ARPC3: variants seen among roughly 807,000 people sequenced by gnomAD.
The protein encoded by ARPC3 is actin-related protein 2/3 complex subunit 3.
A neutral mutation model predicts 27.6 loss-of-function variants in ARPC3; 12 were observed. The observed-to-expected ratio is 0.43, with a 90% CI of 0.28 to 0.70. The LOEUF (loss-of-function observed/expected upper bound fraction) is 0.70. Among genes scored for constraint, ARPC3 ranks in the 30% least tolerant of loss-of-function variants. ARPC3 has a pLI of 0.17. For missense variants in ARPC3, 153 were observed against 207.7 expected, an observed-to-expected ratio of 0.74 and a Z score of 1.62; for synonymous variants, 53 against 67.2, an observed-to-expected ratio of 0.79 and a Z score of 1.03.
At chr12:110,436,271 T>C in intron 5 of ARPC3, 67 bp from the exon 6 acceptor site, 1 of 1,298,600 alleles carries the variant, frequency 7.7e-7, no homozygotes, top group African/African-American at 1.5e-5. Context: ...GTTGCAGCTC[T>C]GGATGCTCAC....
At chr12:110,444,255 G>A (rs924601672) in intron 2 of ARPC3, among the ~76,000 whole-genome samples, 1 of 151,696 alleles carries the variant, frequency 6.6e-6, no homozygotes, top group Non-Finnish European at 1.5e-5. Flanking sequence ...ATAGGTGTGA[G>A]CCATCACGCC....
At chr12:110,447,460 T>C (rs964121458) in intron 1 of ARPC3, among the ~76,000 whole-genome samples, 1 of 152,026 alleles carries the variant, frequency 6.6e-6, no homozygotes, top group Non-Finnish European at 1.5e-5. Flanking sequence ...CCTTGAAGAG[T>C]AGAGAAGACA....
intron 1 of ARPC3, among the ~76,000 whole-genome samples, chr12:110,448,034 A>AGGT (rs1228561165): frequency 6.6e-6 from 1 of 151,282 alleles, no homozygotes; most frequent in Non-Finnish European, 1.5e-5. Flanking sequence ...ATGCACTACC[A>AGGT]CATCCAGCTA....
rs78995807 is a variant in ARPC3 at position 110,440,194 on chromosome 12, G to C, written c.183+118C>G. ...AAAGCTAACATTAAGCACTGCTCTC[G>C]AATTTAAAAATTACATGCTGATTTC... On this transcript the variant is annotated intron_variant, in intron 3 of 6. Transcript: ENST00000228825. 35 of 758,116 alleles carry C rather than the reference G, an allele frequency of 4.6e-5. No homozygotes were observed. The African/African-American group carries it at 6.2e-4, about 13-fold the overall frequency. 47.0% of individuals were successfully genotyped at this position (758,116 alleles called of 1,614,324 possible).
At chr12:110,438,778 G>A (rs1443075570) in intron 3 of ARPC3, among the ~76,000 whole-genome samples, 1 of 150,744 alleles carries the variant, frequency 6.6e-6, no homozygotes, top group Non-Finnish European at 1.5e-5. Context: ...CAAGTAGCTG[G>A]GATTACAGGC....
At chr12:110,442,032 CAAAA>C (rs774588008) in intron 2 of ARPC3, among the ~76,000 whole-genome samples, 1 of 109,090 alleles carries the variant, frequency 9.2e-6, no homozygotes. Flanking sequence ...ACTCTGTCTC[CAAAA>C]AAAAAAAAAA....
At chr12:110,447,560 G>A (rs113093161) in intron 1 of ARPC3, among the ~76,000 whole-genome samples, 4 of 152,218 alleles carry the variant, frequency 2.6e-5, no homozygotes, top group African/African-American at 9.6e-5. Flanking sequence ...AGATCACAAG[G>A]CCAGAAGATC....
rs1336102854 is a variant in ARPC3, at chr12:110,436,542, G to A, written c.379+15C>T. The A allele has an allele frequency of 3.1e-6, 5 of 1,613,780 alleles. No individual in the cohort carries two copies. The highest frequency in any genetic ancestry group is 1.1e-5 in the South Asian group (1 of 91,074). On this transcript the variant is annotated intron_variant, in intron 5 of 6. Coordinates refer to ENST00000228825, the MANE Select transcript of ARPC3 (RefSeq NM_001278556.2). ...CTTCTTGTGTCACAGAGTGAGGATA[G>A]AGACCTGTTCTTACCATCTTCCTGT...
In ARPC3 at chr12:110,445,521, T is replaced by C; in HGVS notation, c.37A>G (p.Thr13Ala). 6.2e-7 allele frequency: 1 copy of C among 1,613,640 alleles called. No individual in the cohort carries two copies. Among genetic ancestry groups the C allele is most frequent in the South Asian group, 1.1e-5 (1 of 91,078 alleles). ...AGTGCCATGTTTCCGATGAGTTTGG[T>C]ATCAGGATCCATGAGAGAAGAGTGG... ...AYHSSLMDPD[T>A]KLIGNMALLP... The change falls in exon 2 of 7, where the codon ACC becomes GCC. Residue 13 changes from threonine (T) to alanine (A), a missense_variant. By Grantham distance (58) the Thr-to-Ala change is moderately conservative. Transcript: ENST00000228825.
Position 110,436,113 on chromosome 12 carries a change from G to A in ARPC3, c.471C>T (p.Ser157=). 6.2e-7 allele frequency: 1 copy of A among 1,611,086 alleles called. No homozygotes were observed. Among genetic ancestry groups the A allele is most frequent in the Non-Finnish European group, 8.5e-7 (1 of 1,177,826 alleles). The change falls in exon 6 of 7, where the codon AGC becomes AGT. Residue 157 remains serine (S), a synonymous_variant. Coordinates refer to ENST00000228825, the MANE Select transcript of ARPC3 (RefSeq NM_001278556.2). ...KVFDPQNDKP[S]KWWTCFVKRQ... ...GCAGGCAAGAAGAGGGTCTTACCTT[G>A]CTGGGTTTATCATTCTGAGGGTCGA...
chr12:110,441,282 A>T, intron 2 of ARPC3, among the ~76,000 whole-genome samples: 1 of 151,500 alleles, frequency 6.6e-6, no homozygotes, highest in Non-Finnish European at 1.5e-5. Flanking sequence ...ATACGCATGT[A>T]CCACCAGGCC....
At chr12:110,440,249 T>C in intron 3 of ARPC3, 63 bp downstream of exon 3, 2 of 1,131,614 alleles carry the variant, frequency 1.8e-6, no homozygotes, top group Non-Finnish European at 2.7e-6. Context: ...GCAATCTGGA[T>C]AGCAAGGTTG....
intron 2 of ARPC3, 88 bp downstream of exon 2, chr12:110,445,364 C>A (rs929261094): frequency 3.8e-5 from 40 of 1,056,792 alleles, no homozygotes; most frequent in Non-Finnish European, 5.0e-5. Flanking sequence ...AGAGAGAAGA[C>A]TGAGCTAAGA....
intron 2 of ARPC3, among the ~76,000 whole-genome samples, chr12:110,440,886 A>G (rs2062433028): frequency 7.0e-6 from 1 of 141,988 alleles, no homozygotes; most frequent in Non-Finnish European, 1.5e-5. Context: ...TCTGTCGCCC[A>G]GGCTGGAGTG....
In ARPC3 at chr12:110,436,703, T is replaced by C. The variant is rs749558362; in HGVS notation, c.253-20A>G. 15 of 850,562 alleles carry C rather than the reference T, an allele frequency of 1.8e-5. No homozygotes were observed. The African/African-American group carries it at 3.5e-4, about 20-fold the overall frequency. The allele number at this position is 850,562 out of a possible 1,614,324, so 52.7% of individuals were successfully genotyped here. On this transcript the variant is annotated intron_variant, in intron 4 of 6. Coordinates refer to ENST00000228825, the MANE Select transcript of ARPC3 (RefSeq NM_001278556.2). ...ATTGCACTGGAAAAAAAAATATATATATATATATACACACACACACACACA... is the reference window on the plus strand; with the variant it reads ...ATTGCACTGGAAAAAAAAATATATACATATATATACACACACACACACACA...
chr12:110,434,997 T>C lies in ARPC3; in HGVS notation c.*158A>G. 1 of 729,354 alleles carries C rather than the reference T, an allele frequency of 1.4e-6. No homozygotes were observed. Among genetic ancestry groups the C allele is most frequent in the Non-Finnish European group, 2.5e-6 (1 of 397,586 alleles). The allele number at this position is 729,354 out of a possible 1,614,324, so 45.2% of individuals were successfully genotyped here. On this transcript the variant is annotated 3_prime_UTR_variant, in exon 7 of 7. Coordinates refer to ENST00000228825, the MANE Select transcript of ARPC3 (RefSeq NM_001278556.2). ...AAATCACCCTTGATAACCCACTTTC[T>C]TTTCTCCCACCCAAATTCTTGATCA...
chr12:110,437,182 A>C (rs1267828435), intron 3 of ARPC3, 30 bp from the exon 4 acceptor site: 1 of 1,412,122 alleles, frequency 7.1e-7, no homozygotes, highest in Non-Finnish European at 1.0e-6. Context: ...ACTTAAAAAC[A>C]GTTATCAAAA....
chr12:110,439,976 T>C (rs1178344663), intron 3 of ARPC3, among the ~76,000 whole-genome samples: 1 of 152,194 alleles, frequency 6.6e-6, no homozygotes, highest in African/African-American at 2.4e-5. Flanking sequence ...ACAGTCTTTG[T>C]CACAACTACT....
chr12:110,445,649 C>A (rs564769417), intron 1 of ARPC3, 98 bp from the exon 2 acceptor site: 1 of 913,336 alleles, frequency 1.1e-6, no homozygotes, highest in South Asian at 1.3e-5. Context: ...AGTAAACCAC[C>A]CAAGATTAAT....
Sources: gnomAD v4.1 joint callset for allele counts (sites outside exome capture counted in the v4.1 genomes callset) on GRCh38, gnomAD v4.1.1 for gene constraint, MANE v1.5 for transcripts, NCBI Gene and HGNC (gene_info 2026-07-23, HGNC 2026-07-21) for gene names.